The following CROCC2 variants were observed in gnomAD, a reference collection of about 807,000 sequenced individuals.
The protein encoded by CROCC2 is ciliary rootlet coiled-coil protein 2.
A neutral mutation model predicts 177.6 loss-of-function variants in CROCC2; 163 were observed. That is an observed-to-expected ratio of 0.92 (90% CI 0.81 to 1.05). The LOEUF (loss-of-function observed/expected upper bound fraction) is 1.05, where lower values mean the gene tolerates loss of function less well. Among genes scored for constraint, CROCC2 ranks in the 50% least tolerant of loss-of-function variants. The pLI, the probability that CROCC2 is intolerant of heterozygous loss-of-function variation, is 0.00. For missense variants in CROCC2, 1,929 were observed against 1,797.8 expected (o/e 1.07, Z -1.32); for synonymous variants, 904 against 787.3 (o/e 1.15, Z -2.48).
intron 31 of CROCC2, among the ~76,000 whole-genome samples, chr2:240,991,530 C>G (rs1374163749): frequency 1.3e-5 from 2 of 152,242 alleles, no homozygotes; most frequent in Non-Finnish European, 2.9e-5. Context: ...CAGGCAGTGG[C>G]ACACTCTGAG....
Position 240,932,759 on chromosome 2 carries a change from G to C in CROCC2, c.1102G>C (p.Gly368Arg). 1 of 1,149,188 alleles carries C rather than the reference G, an allele frequency of 8.7e-7. No homozygotes were observed. Among genetic ancestry groups the C allele is most frequent in the Non-Finnish European group, 1.3e-6 (1 of 780,966 alleles). 71.2% of individuals were successfully genotyped at this position (1,149,188 alleles called of 1,614,324 possible). A position where few individuals can be genotyped will look rare whatever the true frequency, so the allele number is the denominator to read the frequency against. ...ELAGSSITEL[G>R]EPRRPLRSPQ... The stretch of plus-strand genomic sequence containing the variant: ...GGCAGGTAGCAGCATCACTGAATTG[G>C]GGGAGCCACGGCGCCCACTGAGGAG... The change falls in exon 9 of 32, where the codon GGG (glycine) becomes CGG (arginine). Residue 368 changes from glycine (G) to arginine (R), a missense_variant. By Grantham distance (125) the Gly-to-Arg change is moderately radical. Transcript: ENST00000690015.
intron 17 of CROCC2, among the ~76,000 whole-genome samples, chr2:240,950,013 G>A (rs916516123): frequency 3.9e-5 from 6 of 152,190 alleles, no homozygotes; most frequent in African/African-American, 1.2e-4. Flanking sequence ...ACCCATTAGA[G>A]CCGTCCCACA....
chr2:240,945,019 C>A (rs756252920), intron 14 of CROCC2, among the ~76,000 whole-genome samples: 1 of 152,178 alleles, frequency 6.6e-6, no homozygotes, highest in Non-Finnish European at 1.5e-5. Context: ...TCACCATAAC[C>A]TCTGCCTCCT....
chr2:240,949,260 C>T lies in CROCC2; in HGVS notation c.2482+163C>T, dbSNP rs1456779571. The stretch of plus-strand genomic sequence containing the variant: ...GCGACTGAGCGACTTGGGCCACCCT[C>T]GCCCATGAGGAGCAGCAACACCCTG... On this transcript the variant is annotated intron_variant, in intron 16 of 31. Transcript: ENST00000690015. This position sits in a 1 kb window ranked among gnomAD's most constrained non-coding sequence, Gnocchi z 4.5. 11 of 921,690 alleles carry T rather than the reference C, an allele frequency of 1.2e-5. No individual in the cohort carries two copies. The African/African-American group carries it at 1.8e-4, about 15-fold the overall frequency. 57.1% of individuals were successfully genotyped at this position (921,690 alleles called of 1,614,324 possible). A position where few individuals can be genotyped will look rare whatever the true frequency, so the allele number is the denominator to read the frequency against.
chr2:240,920,527 C>A (rs1481941333), intron 3 of CROCC2, among the ~76,000 whole-genome samples: 1 of 152,202 alleles, frequency 6.6e-6, no homozygotes, highest in African/African-American at 2.4e-5. Context: ...ACCTGCACAG[C>A]AGAGGAAAGC....
Position 240,982,066 on chromosome 2 carries a change from A to T in CROCC2, c.4402-814A>T, listed in dbSNP as rs2059804613. 1 of 151,304 alleles carries T rather than the reference A, an allele frequency of 6.6e-6. No homozygotes were observed. Among genetic ancestry groups the T allele is most frequent in the Admixed American group, 6.6e-5 (1 of 15,178 alleles). 9.4% of individuals were successfully genotyped at this position (151,304 alleles called of 1,614,324 possible). On this transcript the variant is annotated intron_variant, in intron 27 of 31. Transcript: ENST00000690015. The surrounding 1 kb of genome is among the most constrained non-coding windows in gnomAD (Gnocchi z 4.7). ...GCGTAGGGTGGGGGCGCCAGCGGGG[A>T]GGCTGTGCACAGAGGGCAGCAGGTG... is the stretch of plus-strand genomic sequence containing the variant.
Position 240,950,419 on chromosome 2 carries a change from C to T in CROCC2, c.2738C>T (p.Ala913Val). ...GAGAAGGAGCTGGTGACAAAAAGTG[C>T]AGCTGAGAGGGAGGCTCTGAAGGGG... ...EQEKELVTKS[A>V]AEREALKGEI... The change falls in exon 18 of 32, where the codon GCA (alanine) becomes GTA (valine). Residue 913 changes from alanine to valine, a missense_variant. Transcript: ENST00000690015. The T allele has an allele frequency of 1.3e-6, 2 of 1,550,308 alleles. No individual in the cohort carries two copies. The highest frequency in any genetic ancestry group is 1.7e-6 in the Non-Finnish European group (2 of 1,146,826).
rs1415164727 is a variant in CROCC2 at position 240,960,082 on chromosome 2, C to G, written c.3087+638C>G. On this transcript the variant is annotated intron_variant, in intron 20 of 31. Transcript: ENST00000690015. This position sits in a 1 kb window ranked among gnomAD's most constrained non-coding sequence, Gnocchi z 5.0. ...CAGGAAGGGCCTGACTCTGGAGGCA[C>G]TGGGGCAGCTGTCGCCTCCCAAAGC... is the stretch of plus-strand genomic sequence containing the variant. 6.6e-6 allele frequency among the ~76,000 whole-genome samples: 1 copy of G among 152,236 alleles called. No homozygotes were observed. Among genetic ancestry groups the G allele is most frequent in the Non-Finnish European group, 1.5e-5 (1 of 68,046 alleles).
chr2:240,989,436 G>A (rs2059862271), intron 29 of CROCC2, among the ~76,000 whole-genome samples: 1 of 152,148 alleles, frequency 6.6e-6, no homozygotes, highest in Non-Finnish European at 1.5e-5. Flanking sequence ...TGGAGGCTGT[G>A]GCTTAGTCTC....
Position 240,966,007 on chromosome 2 carries a change from G to C in CROCC2, c.3961+14G>C. 4.5e-6 allele frequency: 6 copies of C among 1,339,608 alleles called. No homozygotes were observed. The highest frequency in any genetic ancestry group is 5.7e-6 in the Non-Finnish European group (6 of 1,051,956). 83.0% of individuals were successfully genotyped at this position (1,339,608 alleles called of 1,614,324 possible). ...CCCCCACCAAAGGTCAGAGTCCTCA[G>C]TGGAGGCAGGCGGGCCCCTCTCCCA... On this transcript the variant is annotated intron_variant, in intron 24 of 31. Transcript: ENST00000690015.
At chr2:240,992,511 CAA>C (rs559976966) in intron 31 of CROCC2, among the ~76,000 whole-genome samples, 185 of 152,368 alleles carry the variant, frequency 1.2e-3, no homozygotes, top group African/African-American at 3.4e-3. Context: ...ATCAATAACT[CAA>C]GAGAGGTGGG....
intron 12 of CROCC2, 120 bp downstream of exon 12, chr2:240,934,595 G>A: frequency 9.2e-7 from 1 of 1,082,420 alleles, no homozygotes; most frequent in Non-Finnish European, 1.3e-6. Flanking sequence ...CCCATCACCA[G>A]AGATCCCAAA....
In CROCC2 at chr2:240,953,215, G is replaced by T. The variant is rs561428887; in HGVS notation, c.2830-2644G>T. 1.3e-5 allele frequency among the ~76,000 whole-genome samples: 2 copies of T among 151,886 alleles called. No individual in the cohort carries two copies. The highest frequency in any genetic ancestry group is 3.9e-4 in the East Asian group (2 of 5,142). On this transcript the variant is annotated intron_variant, in intron 18 of 31. Transcript: ENST00000690015. The surrounding 1 kb of genome is among the most constrained non-coding windows in gnomAD (Gnocchi z 4.0). ...ATCTGAGGTCAGGAGTTCAAGACCA[G>T]TGTGGCCAACATGGTGAAACCCCGT... is the stretch of plus-strand genomic sequence containing the variant.
intron 1 of CROCC2, among the ~76,000 whole-genome samples, chr2:240,916,342 G>A (rs995173616): frequency 6.6e-6 from 1 of 150,554 alleles, no homozygotes; most frequent in Non-Finnish European, 1.5e-5. Flanking sequence ...CCAAAGTCGC[G>A]CCCACTCTAC....
intron 18 of CROCC2, chr2:240,950,821 A>T: frequency 3.2e-6 from 1 of 309,530 alleles, no homozygotes; most frequent in African/African-American, 2.2e-5. Flanking sequence ...ACACCCACCT[A>T]CCCATCCATC....
At chr2:240,951,241 ATCTGTCCATCCATTCATTCATCCATCCG>A (rs1559601911) in intron 18 of CROCC2, among the ~76,000 whole-genome samples, 1 of 150,122 alleles carries the variant, frequency 6.7e-6, no homozygotes, top group Non-Finnish European at 1.5e-5. Context: ...CCATCCATCC[ATCTGTCCATCCATTCATTCATCCATCCG>A]TCTGTCCATC....
intron 15 of CROCC2, among the ~76,000 whole-genome samples, chr2:240,947,493 A>G (rs1319450497): frequency 6.6e-6 from 1 of 152,156 alleles, no homozygotes; most frequent in East Asian, 1.9e-4. Flanking sequence ...GGGCATCCTG[A>G]TGGCCCATTG....
At chr2:240,989,945 C>A in intron 30 of CROCC2, 112 bp downstream of exon 30, 1 of 1,023,884 alleles carries the variant, frequency 9.8e-7, no homozygotes, top group Non-Finnish European at 1.4e-6. Flanking sequence ...GCAACAGGGG[C>A]TCTCCACTGC....
chr2:240,942,717 G>A (rs943190977), intron 14 of CROCC2, among the ~76,000 whole-genome samples: 1 of 152,150 alleles, frequency 6.6e-6, no homozygotes, highest in Admixed American at 6.5e-5. Context: ...TCAGTCTTTT[G>A]TGAGGAGTCG....
Sources: gnomAD v4.1 joint callset for allele counts (sites outside exome capture counted in the v4.1 genomes callset) on GRCh38, gnomAD v4.1.1 for gene constraint, Gnocchi (gnomAD v3.1) non-coding constraint, MANE v1.5 for transcripts, NCBI Gene and HGNC (gene_info 2026-07-23, HGNC 2026-07-21) for gene names.